Variants in MKNK1 observed in about 807,000 individuals in gnomAD.
The protein encoded by MKNK1 is MAP kinase-interacting serine/threonine-protein kinase 1.
Under a neutral mutation model 49.3 loss-of-function variants are expected in MKNK1, and 30 were observed. The observed-to-expected ratio is 0.61, with a 90% CI of 0.46 to 0.83. The LOEUF (loss-of-function observed/expected upper bound fraction) is 0.83. Ranked by LOEUF, MKNK1 falls within the 40% of genes least tolerant of loss-of-function variation. The pLI is 0.00. For missense variants in MKNK1, 423 were observed against 524.7 expected (o/e 0.81, Z 1.89); for synonymous variants, 176 against 201.7 (o/e 0.87, Z 1.08).
At chr1:46,587,895 G>T (rs185387765) in intron 2 of MKNK1, among the ~76,000 whole-genome samples, 10 of 152,262 alleles carry the variant, frequency 6.6e-5, no homozygotes, top group Admixed American at 3.9e-4. Context: ...GCACAGGTAT[G>T]TATGCCCATA....
At chr1:46,588,093 G>A (rs1445801234) in intron 2 of MKNK1, among the ~76,000 whole-genome samples, 1 of 152,226 alleles carries the variant, frequency 6.6e-6, no homozygotes, top group Non-Finnish European at 1.5e-5. Context: ...GCAGCCAGTA[G>A]ATTAAATAAC....
At chr1:46,572,268 T>A in intron 6 of MKNK1, 101 bp from the exon 7 acceptor site, 1 of 944,882 alleles carries the variant, frequency 1.1e-6, no homozygotes. Flanking sequence ...GGCTGGAGAG[T>A]AGTGGCACGA....
At chr1:46,570,755 C>G (rs1210755385) in intron 7 of MKNK1, among the ~76,000 whole-genome samples, 1 of 152,212 alleles carries the variant, frequency 6.6e-6, no homozygotes, top group Non-Finnish European at 1.5e-5. Context: ...ATGCTTTCTT[C>G]CTGGTGGGAG....
chr1:46,597,575 G>A (rs997552688), intron 1 of MKNK1, among the ~76,000 whole-genome samples: 1 of 152,188 alleles, frequency 6.6e-6, no homozygotes, highest in African/African-American at 2.4e-5. Context: ...CTGCAGTCTC[G>A]TCAAAAGGGA....
In MKNK1 at chr1:46,561,514, G is replaced by A. The variant is rs756629266; in HGVS notation, c.933C>T (p.Ser311=). 3.1e-6 allele frequency: 5 copies of A among 1,613,980 alleles called. No individual in the cohort carries two copies. Among genetic ancestry groups the A allele is most frequent in the African/African-American group, 2.7e-5 (2 of 75,064 alleles). Residue 311 remains serine (S), a synonymous_variant, in exon 11 of 13, where the codon AGC becomes AGT. Coordinates refer to ENST00000371945, the MANE Select transcript of MKNK1 (RefSeq NM_001135553.4). ...LLVRDAKQRL[S]AAQVLQHPWV... ...ATGGGTGCTGCAGAACTTGGGCGGC[G>A]CTAAGTCTCTGCTTTGCATCTCGCA...
At position 46,600,921 on chromosome 1, in the gene MKNK1, CT is replaced by C. The variant is rs531523577; in HGVS notation, c.-171+3263del. On this transcript the variant is annotated intron_variant, in intron 1 of 12. Transcript: ENST00000371945. ...ACTACTGACTGATTCCTTGTGTAAT[CT>C]TTTTTTTTTTTTGAGACAGAGTCTC... 6.5e-3 allele frequency among the ~76,000 whole-genome samples: 949 copies of C among 146,160 alleles called. 7 individuals are homozygous for C. Among genetic ancestry groups the C allele is most frequent in the Admixed American group, 0.033 (479 of 14,620 alleles).
chr1:46,588,533 C>CGTG (rs1385694727), intron 2 of MKNK1, among the ~76,000 whole-genome samples: 1 of 152,172 alleles, frequency 6.6e-6, no homozygotes, highest in African/African-American at 2.4e-5. Flanking sequence ...CTTGGCCGGG[C>CGTG]GTGGTGGCTC....
chr1:46,558,440 G>T lies in MKNK1; in HGVS notation c.*135C>A. 1 of 877,594 alleles carries T rather than the reference G, an allele frequency of 1.1e-6. No homozygotes were observed. Among genetic ancestry groups the T allele is most frequent in the Non-Finnish European group, 1.7e-6 (1 of 594,130 alleles). 54.4% of individuals were successfully genotyped at this position (877,594 alleles called of 1,614,324 possible). Reference sequence around the variant, plus strand: ...AATGGGGGTTGATGGGAACCTCAGGGCCTTCGTAGATGAAAAAGCCTGAAT... The same window carrying T: ...AATGGGGGTTGATGGGAACCTCAGGTCCTTCGTAGATGAAAAAGCCTGAAT... On this transcript the variant is annotated 3_prime_UTR_variant, in exon 13 of 13. Transcript: ENST00000371945.
At position 46,604,165 on chromosome 1, in the gene MKNK1, C is replaced by T. The variant is rs1675106549; in HGVS notation, c.-171+20G>A. 1 of 152,308 alleles carries T rather than the reference C, an allele frequency of 6.6e-6. No homozygotes were observed. The highest frequency in any genetic ancestry group is 1.5e-5 in the Non-Finnish European group (1 of 68,078). 9.4% of individuals were successfully genotyped at this position (152,308 alleles called of 1,614,324 possible). On this transcript the variant is annotated intron_variant, in intron 1 of 12. Coordinates refer to ENST00000371945, the MANE Select transcript of MKNK1 (RefSeq NM_001135553.4). ...GGCCCCATTTAGCTCGGAGGAATAC[C>T]TCGCAGGTCTCGCTTTTACCTTCGC...
At chr1:46,560,742 C>T (rs542186430) in intron 11 of MKNK1, among the ~76,000 whole-genome samples, 2 of 152,346 alleles carry the variant, frequency 1.3e-5, no homozygotes, top group South Asian at 4.1e-4. Flanking sequence ...TCTCACTTGT[C>T]CCTCTGGCAT....
chr1:46,598,902 T>C (rs1416957775), intron 1 of MKNK1, among the ~76,000 whole-genome samples: 1 of 152,072 alleles, frequency 6.6e-6, no homozygotes, highest in Non-Finnish European at 1.5e-5. Flanking sequence ...TTAGCAAGAG[T>C]TGAGGCCTCA....
chr1:46,574,887 T>C (rs754126461), intron 6 of MKNK1, 60 bp downstream of exon 6: 1 of 1,167,788 alleles, frequency 8.6e-7, no homozygotes, highest in African/African-American at 1.5e-5. Context: ...GGATTCATGA[T>C]GGATGATCAC....
intron 7 of MKNK1, chr1:46,569,504 T>C (rs1669715707): frequency 6.6e-6 from 1 of 151,900 alleles, no homozygotes. Context: ...AGAGCTACAG[T>C]TGGAAGTATT....
intron 1 of MKNK1, among the ~76,000 whole-genome samples, chr1:46,602,577 G>A (rs1265699979): frequency 1.3e-5 from 2 of 152,182 alleles, no homozygotes; most frequent in East Asian, 1.9e-4. Flanking sequence ...TCCAACCCGC[G>A]GCCCTGGATG....
At chr1:46,559,353 A>C (rs1667523410) in intron 12 of MKNK1, among the ~76,000 whole-genome samples, 1 of 152,188 alleles carries the variant, frequency 6.6e-6, no homozygotes, top group South Asian at 2.1e-4. Context: ...GGGTCACACG[A>C]ATTGCGATTA....
At chr1:46,586,603 C>A (rs1432689242) in intron 2 of MKNK1, among the ~76,000 whole-genome samples, 1 of 152,132 alleles carries the variant, frequency 6.6e-6, no homozygotes, top group East Asian at 1.9e-4. Flanking sequence ...TATGAAATGA[C>A]ATGCATACTG....
At chr1:46,580,910 A>C (rs1325757688) in intron 3 of MKNK1, among the ~76,000 whole-genome samples, 1 of 152,214 alleles carries the variant, frequency 6.6e-6, no homozygotes, top group Non-Finnish European at 1.5e-5. Context: ...TATGTGCCAG[A>C]CAGCATAACA....
chr1:46,568,606 A>G, intron 7 of MKNK1, 108 bp from the exon 8 acceptor site: 1 of 1,030,564 alleles, frequency 9.7e-7, no homozygotes, highest in Non-Finnish European at 1.5e-6. Context: ...TTAATTCCCA[A>G]TTATGGTACA....
Position 46,580,512 on chromosome 1 carries a change from T to C in MKNK1, c.198+18A>G. The C allele has an allele frequency of 1.3e-6, 2 of 1,570,130 alleles. No individual in the cohort carries two copies. The highest frequency in any genetic ancestry group is 1.3e-5 in the African/African-American group (1 of 74,090). On this transcript the variant is annotated intron_variant, in intron 4 of 12. Coordinates refer to ENST00000371945, the MANE Select transcript of MKNK1 (RefSeq NM_001135553.4). ...ACTATTTGCAAAGTAAAGCCTGGCA[T>C]TCAGCTGAGACACTCACTTTGACGG...
Sources: allele counts gnomAD v4.1 joint callset (sites outside exome capture counted in the v4.1 genomes callset), GRCh38; gene constraint gnomAD v4.1.1; transcripts MANE v1.5; gene names NCBI Gene and HGNC (gene_info 2026-07-23, HGNC 2026-07-21).